Variants in NLRC3 observed in about 807,000 individuals in gnomAD.
The protein encoded by NLRC3 is NLR family CARD domain containing 3.
NLRC3 carries 87 observed loss-of-function variants against 91.6 expected under a neutral mutation model. That is an observed-to-expected ratio of 0.95 (90% confidence interval 0.80 to 1.14). The LOEUF is 1.14. Ranked by LOEUF, NLRC3 falls within the 50% of genes most tolerant of loss-of-function variation. The pLI is 0.00. For missense variants in NLRC3, 1,577 were observed against 1,418.6 expected (o/e 1.11, Z -1.79); for synonymous variants, 694 against 625.3 (o/e 1.11, Z -1.64).
In NLRC3 at chr16:3,564,399, G is replaced by A. The variant is rs780688327; in HGVS notation, c.538C>T (p.Arg180Trp). ...AGCTTCTCGTGGGTGTTGAGATCCCGGAAGGTCAGAGGCAGCACCAGCGAG... is the reference window on the plus strand; with the variant it reads ...AGCTTCTCGTGGGTGTTGAGATCCCAGAAGGTCAGAGGCAGCACCAGCGAG... ...DFSLVLPLTF[R>W]DLNTHEKLCA... The change falls in exon 5 of 20, where the codon CGG becomes TGG. Residue 180 changes from arginine (R) to tryptophan (W), a missense_variant. By Grantham distance (101) the Arg-to-Trp change is moderately radical. Transcript: ENST00000359128. This position sits in a 1 kb window ranked among gnomAD's most constrained non-coding sequence, Gnocchi z 5.9. 2.3e-5 allele frequency: 37 copies of A among 1,612,678 alleles called. No homozygotes were observed. Among genetic ancestry groups the A allele is most frequent in the East Asian group, 6.7e-5 (3 of 44,888 alleles).
intron 9 of NLRC3, 63 bp from the exon 10 acceptor site, chr16:3,552,342 CGGTTCA>C: frequency 8.2e-7 from 1 of 1,226,120 alleles, no homozygotes; most frequent in South Asian, 1.2e-5. Context: ...AGGCCAAGGA[CGGTTCA>C]GGTTCAAGGT....
chr16:3,565,354 C>G lies in NLRC3; in HGVS notation c.-60G>C. The G allele has an allele frequency of 1.7e-6, 1 of 601,162 alleles. No individual in the cohort carries two copies. Among genetic ancestry groups the G allele is most frequent in the Non-Finnish European group, 3.1e-6 (1 of 320,194 alleles). 37.2% of individuals were successfully genotyped at this position (601,162 alleles called of 1,614,324 possible). ...ACTGAGGGCAGGCTGAGTCACCTCT[C>G]TGCGCCTTGGTGTCTTCATTTGTGA... is the stretch of plus-strand genomic sequence containing the variant. On this transcript the variant is annotated 5_prime_UTR_variant, in exon 3 of 20. Coordinates refer to ENST00000359128, the MANE Select transcript of NLRC3 (RefSeq NM_178844.4).
chr16:3,563,494 C>T lies in NLRC3; in HGVS notation c.1443G>A (p.Glu481=), dbSNP rs1014807391. Reference sequence around the variant, plus strand: ...CCAGCCTGGGCCAGGATACGCCGCTCTCAGTGAAGAGGTCGAAGATGGCCC... The same window carrying T: ...CCAGCCTGGGCCAGGATACGCCGCTTTCAGTGAAGAGGTCGAAGATGGCCC... ...SRRAIFDLFT[E]SGVSWPRLGF... Residue 481 remains glutamate, a synonymous_variant, in exon 5 of 20, where the codon GAG becomes GAA. Coordinates refer to ENST00000359128, the MANE Select transcript of NLRC3 (RefSeq NM_178844.4). 6.3e-7 allele frequency: 1 copy of T among 1,596,016 alleles called. No homozygotes were observed. The highest frequency in any genetic ancestry group is 1.1e-5 in the South Asian group (1 of 88,424).
chr16:3,568,017 C>T (rs1206318652), intron 1 of NLRC3, among the ~76,000 whole-genome samples: 7 of 151,750 alleles, frequency 4.6e-5, no homozygotes, highest in Admixed American at 1.3e-4. Flanking sequence ...AGGCACATGC[C>T]ACCACACCTG....
In NLRC3 at chr16:3,563,306, G is replaced by A. The variant is rs778978334; in HGVS notation, c.1631C>T (p.Thr544Ile). 6.2e-7 allele frequency: 1 copy of A among 1,600,600 alleles called. No homozygotes were observed. The highest frequency in any genetic ancestry group is 8.5e-7 in the Non-Finnish European group (1 of 1,174,566). The change falls in exon 5 of 20, where the codon ACC becomes ATC. Residue 544 changes from threonine to isoleucine, a missense_variant. By Grantham distance (89) the Thr-to-Ile change is moderately conservative (BLOSUM62 -1). Coordinates refer to ENST00000359128, the MANE Select transcript of NLRC3 (RefSeq NM_178844.4). ...GCCCTGCAGGAGCTCAGCCACCTGGGTCCGGTAGGCCTGGTGCTCGCCTTG... is the reference window on the plus strand; with the variant it reads ...GCCCTGCAGGAGCTCAGCCACCTGGATCCGGTAGGCCTGGTGCTCGCCTTG... ...LAQGEHQAYR[T>I]QVAELLQGCL... is the part of the protein sequence containing the mutation.
chr16:3,563,800 C>G lies in NLRC3; in HGVS notation c.1137G>C (p.Lys379Asn). 6.2e-7 allele frequency: 1 copy of G among 1,611,440 alleles called. No individual in the cohort carries two copies. Among genetic ancestry groups the G allele is most frequent in the Non-Finnish European group, 8.5e-7 (1 of 1,178,602 alleles). Reference protein sequence around the residue: ...RMALSGEGQEKGKASPRIEQV... With the variant: ...RMALSGEGQENGKASPRIEQV... Reference sequence around the variant, plus strand: ...GCTCGATGCGAGGGCTTGCCTTGCCCTTCTCCTGCCCCTCCCCGCTGAGGG... The same window carrying G: ...GCTCGATGCGAGGGCTTGCCTTGCCGTTCTCCTGCCCCTCCCCGCTGAGGG... The change falls in exon 5 of 20, where the codon AAG becomes AAC. Residue 379 changes from lysine to asparagine, a missense_variant. Coordinates refer to ENST00000359128, the MANE Select transcript of NLRC3 (RefSeq NM_178844.4).
At chr16:3,569,370 C>T (rs1466840163) in intron 1 of NLRC3, among the ~76,000 whole-genome samples, 5 of 92,900 alleles carry the variant, frequency 5.4e-5, no homozygotes, top group Non-Finnish European at 1.0e-4. Context: ...TTTCTGAAAA[C>T]CATATATATA....
Position 3,539,334 on chromosome 16 carries a change from G to A in NLRC3, c.*2491C>T, listed in dbSNP as rs1445862081. 2.0e-5 allele frequency: 3 copies of A among 152,256 alleles called. No individual in the cohort carries two copies. The highest frequency in any genetic ancestry group is 4.4e-5 in the Non-Finnish European group (3 of 68,044). The allele number at this position is 152,256 out of a possible 1,614,324, so 9.4% of individuals were successfully genotyped here. A position where few individuals can be genotyped will look rare whatever the true frequency, so the allele number is the denominator to read the frequency against. On this transcript the variant is annotated 3_prime_UTR_variant, in exon 20 of 20. Transcript: ENST00000359128. The stretch of plus-strand genomic sequence containing the variant: ...TCCTACCTAGAAGTCCTTTCTATGT[G>A]GATATGAATTAAATTCTCTTGTCTG...
chr16:3,542,577 T>A lies in NLRC3; in HGVS notation c.3023+115A>T, dbSNP rs1008550671. On this transcript the variant is annotated intron_variant, in intron 18 of 19. Coordinates refer to ENST00000359128, the MANE Select transcript of NLRC3 (RefSeq NM_178844.4). ...GTGGACTATAATAAGTCTGATTGTT[T>A]ATATTCAGAAGGAAATAGCTACAGA... 4.4e-6 allele frequency: 3 copies of A among 680,296 alleles called. No individual in the cohort carries two copies. In the African/African-American group the frequency reaches 5.4e-5, roughly 12 times the overall value. The allele number at this position is 680,296 out of a possible 1,614,324, so 42.1% of individuals were successfully genotyped here. A position where few individuals can be genotyped will look rare whatever the true frequency, so the allele number is the denominator to read the frequency against.
chr16:3,548,121 G>A lies in NLRC3; in HGVS notation c.2771+14C>T. ...ACAGCCCCCGCCCTGCAGCCCCTGG[G>A]CAGGCCAACTTACTCTAAGCTGGTG... On this transcript the variant is annotated intron_variant, in intron 15 of 19. Coordinates refer to ENST00000359128, the MANE Select transcript of NLRC3 (RefSeq NM_178844.4). 1 of 1,559,384 alleles carries A rather than the reference G, an allele frequency of 6.4e-7. No homozygotes were observed. Among genetic ancestry groups the A allele is most frequent in the Non-Finnish European group, 8.7e-7 (1 of 1,148,424 alleles).
At chr16:3,576,216 G>A (rs1398706425) in intron 1 of NLRC3, among the ~76,000 whole-genome samples, 1 of 152,202 alleles carries the variant, frequency 6.6e-6, no homozygotes, top group Admixed American at 6.5e-5. Context: ...TGGCCATAGG[G>A]GAAGACCCTG....
At chr16:3,554,543 A>G (rs574739892) in intron 8 of NLRC3, among the ~76,000 whole-genome samples, 1 of 152,358 alleles carries the variant, frequency 6.6e-6, no homozygotes, top group South Asian at 2.1e-4. Context: ...CTGGCTGGGA[A>G]CAAGGTGCTT....
At chr16:3,567,449 C>A (rs112475508) in intron 1 of NLRC3, 125 bp from the exon 2 acceptor site, 11 of 152,320 alleles carry the variant, frequency 7.2e-5, no homozygotes, top group African/African-American at 2.4e-4. Context: ...CCCCACCTGT[C>A]CACAGGGCAT....
intron 1 of NLRC3, among the ~76,000 whole-genome samples, chr16:3,567,777 A>AAAG (rs1482102313): frequency 6.7e-6 from 1 of 150,356 alleles, no homozygotes; most frequent in East Asian, 2.0e-4. Context: ...ATCTCAAAAA[A>AAAG]AAAAAAAAAA....
intron 2 of NLRC3, 79 bp from the exon 3 acceptor site, chr16:3,565,459 T>C (rs1261714092): frequency 1.1e-5 from 1 of 88,096 alleles, no homozygotes; most frequent in Non-Finnish European, 2.1e-5. Flanking sequence ...TTGGAACATG[T>C]GGGAAAAAGC....
rs368371112 is a variant in NLRC3 at position 3,544,290 on chromosome 16, C to G, written c.2811G>C (p.Ala937=). 1 of 1,613,340 alleles carries G rather than the reference C, an allele frequency of 6.2e-7. No homozygotes were observed. Among genetic ancestry groups the G allele is most frequent in the African/African-American group, 1.3e-5 (1 of 74,902 alleles). The part of the protein sequence containing the change: ...ENAIGDDGAC[A]VARALKVNTA... The stretch of plus-strand genomic sequence containing the variant: ...TGTTGACCTTCAGTGCACGGGCCAC[C>G]GCACACGCTCCGTCATCCCCGATGG... Residue 937 remains alanine, a synonymous_variant, in exon 16 of 20, where the codon GCG becomes GCC. Coordinates refer to ENST00000359128, the MANE Select transcript of NLRC3 (RefSeq NM_178844.4).
rs1317321250 is a variant in NLRC3 at position 3,564,739 on chromosome 16, G to T, written c.198C>A (p.His66Gln). Reference sequence around the variant, plus strand: ...CCACCTTGCTCAGCAGGGCCTTGCGGTGCCTCTGTATCCTTGAGTCTGCGG... The same window carrying T: ...CCACCTTGCTCAGCAGGGCCTTGCGTTGCCTCTGTATCCTTGAGTCTGCGG... ...PCSNDSRIQR[H>Q]RKALLSKVGG... Residue 66 changes from histidine to glutamine, a missense_variant, in exon 5 of 20, where the codon CAC (histidine) becomes CAA (glutamine). Coordinates refer to ENST00000359128, the MANE Select transcript of NLRC3 (RefSeq NM_178844.4). This position sits in a 1 kb window ranked among gnomAD's most constrained non-coding sequence, Gnocchi z 5.9. 3 of 1,586,902 alleles carry T rather than the reference G, an allele frequency of 1.9e-6. No individual in the cohort carries two copies. The highest frequency in any genetic ancestry group is 2.6e-6 in the Non-Finnish European group (3 of 1,172,466).
At chr16:3,575,169 C>A (rs2040238370) in intron 1 of NLRC3, among the ~76,000 whole-genome samples, 1 of 152,194 alleles carries the variant, frequency 6.6e-6, no homozygotes. Context: ...TCATCCTGGA[C>A]ACTGTCCCTA....
intron 1 of NLRC3, among the ~76,000 whole-genome samples, chr16:3,571,554 A>AC (rs2040097109): frequency 6.6e-6 from 1 of 151,432 alleles, no homozygotes; most frequent in African/African-American, 2.4e-5. Context: ...TAAAAAAAAA[A>AC]AAAAAAAGCA....
Sources: allele counts gnomAD v4.1 joint callset (sites outside exome capture counted in the v4.1 genomes callset), GRCh38; gene constraint gnomAD v4.1.1; non-coding constraint Gnocchi (gnomAD v3.1); transcripts MANE v1.5; gene names NCBI Gene and HGNC (gene_info 2026-07-23, HGNC 2026-07-21).